The following TIMM23 variants were observed in gnomAD, a reference collection of about 807,000 sequenced individuals.
TIMM23 encodes the protein translocase of inner mitochondrial membrane 23.
A neutral mutation model predicts 30.7 loss-of-function variants in TIMM23; 19 were observed. The observed-to-expected ratio is 0.62, with a 90% CI of 0.43 to 0.91. The LOEUF is 0.91. Among genes scored for constraint, TIMM23 ranks in the 40% least tolerant of loss-of-function variants. The probability of loss-of-function intolerance (pLI) is 0.00; values close to 1 mark genes in which losing one functional copy is unlikely to be tolerated. For synonymous variants in TIMM23, 78 were observed against 98.5 expected (o/e 0.79, Z 1.23); for missense variants, 202 against 269.2 (o/e 0.75, Z 1.75).
intron 6 of TIMM23, among the ~76,000 whole-genome samples, chr10:45,994,207 C>T (rs1243419469): frequency 2.0e-5 from 3 of 151,908 alleles, no homozygotes; most frequent in African/African-American, 4.8e-5. Context: ...GGCATGATAG[C>T]GGGTGCCTGT....
intron 1 of TIMM23, among the ~76,000 whole-genome samples, chr10:45,975,017 G>A (rs1271136551): frequency 6.6e-6 from 1 of 151,976 alleles, no homozygotes; most frequent in Non-Finnish European, 1.5e-5. Flanking sequence ...CCTTGAAATA[G>A]TTAGATACAA....
At chr10:45,999,731 C>G (rs868979007) in intron 6 of TIMM23, among the ~76,000 whole-genome samples, 1 of 152,046 alleles carries the variant, frequency 6.6e-6, no homozygotes, top group Non-Finnish European at 1.5e-5. Flanking sequence ...TGAGAGCAAC[C>G]GGTCTGACCA....
chr10:45,984,024 G>A (rs74353815), intron 4 of TIMM23, among the ~76,000 whole-genome samples: 1 of 152,228 alleles, frequency 6.6e-6, no homozygotes, highest in African/African-American at 2.4e-5. Context: ...GATTACAGAT[G>A]TGAGCCACTG....
chr10:45,978,532 C>G lies in TIMM23; in HGVS notation c.165+3020C>G, dbSNP rs1590111972. ...TTTCTCTATGAAGATATACAGATGT[C>G]TAATAATGACATGAAAGCTGGTCAG... On this transcript the variant is annotated intron_variant, in intron 2 of 6. Transcript: ENST00000580018. Among the ~76,000 whole-genome samples, 2 of 152,024 alleles carry G rather than the reference C, an allele frequency of 1.3e-5. 1 individual carries two copies. Among genetic ancestry groups the G allele is most frequent in the East Asian group, 3.8e-4 (2 of 5,198 alleles).
At chr10:45,989,708 A>G (rs1838099326) in intron 6 of TIMM23, among the ~76,000 whole-genome samples, 1 of 152,214 alleles carries the variant, frequency 6.6e-6, no homozygotes, top group Non-Finnish European at 1.5e-5. Flanking sequence ...ACAAGGTCAA[A>G]GCCCAGGAAT....
chr10:45,985,612 A>G (rs1239293242), intron 5 of TIMM23, among the ~76,000 whole-genome samples, 171 bp downstream of exon 5: 1 of 152,232 alleles, frequency 6.6e-6, no homozygotes, highest in Admixed American at 6.5e-5. Flanking sequence ...CTAACTTATG[A>G]AATAATCTCA....
chr10:45,986,216 G>A (rs1177314091), intron 5 of TIMM23, among the ~76,000 whole-genome samples: 1 of 152,170 alleles, frequency 6.6e-6, no homozygotes, highest in Non-Finnish European at 1.5e-5. Flanking sequence ...TCTTCACACT[G>A]TAAAGCTAGT....
chr10:45,994,843 GGTGCTATACTTAGA>G (rs1455577533), intron 6 of TIMM23, among the ~76,000 whole-genome samples: 2 of 152,116 alleles, frequency 1.3e-5, no homozygotes, highest in African/African-American at 4.8e-5. Flanking sequence ...CTTCTTCAGT[GGTGCTATACTTAGA>G]GTGCCTAAGG....
chr10:45,981,214 C>T (rs1554913970), intron 2 of TIMM23, among the ~76,000 whole-genome samples: 1 of 140,580 alleles, frequency 7.1e-6, no homozygotes, highest in Non-Finnish European at 1.5e-5. Flanking sequence ...GCTGAGATTA[C>T]AGGCGGGAGG....
At chr10:45,978,809 A>G (rs1465497318) in intron 2 of TIMM23, among the ~76,000 whole-genome samples, 1 of 152,236 alleles carries the variant, frequency 6.6e-6, no homozygotes, top group Middle Eastern at 3.4e-3. Context: ...AGAGAATTGA[A>G]AACCTCTGTG....
intron 2 of TIMM23, among the ~76,000 whole-genome samples, chr10:45,980,160 T>G (rs1837800790): frequency 6.6e-6 from 1 of 151,204 alleles, no homozygotes; most frequent in African/African-American, 2.4e-5. Context: ...TAATAGAAAT[T>G]ACATTTTGTA....
In TIMM23 at chr10:45,982,215, A is replaced by G. The variant is rs1207183568; in HGVS notation, c.166-308A>G. On this transcript the variant is annotated intron_variant, in intron 2 of 6. Coordinates refer to ENST00000580018, the MANE Select transcript of TIMM23 (RefSeq NM_006327.4). ...ACTGATTGTCTGTTCTGTTCTTCTC[A>G]TAGCTTTCAGTGTTCCTTTCTCTAG... 3.2e-4 allele frequency among the ~76,000 whole-genome samples: 48 copies of G among 152,332 alleles called. No individual in the cohort carries two copies. The East Asian group carries it at 8.3e-3, about 26-fold the overall frequency.
intron 6 of TIMM23, among the ~76,000 whole-genome samples, chr10:45,996,762 G>T (rs1838345796): frequency 6.6e-6 from 1 of 152,008 alleles, no homozygotes; most frequent in African/African-American, 2.4e-5. Flanking sequence ...AATGTGGGCA[G>T]ATTGAGTCCA....
At chr10:45,986,803 A>AG (rs1838002082) in intron 5 of TIMM23, among the ~76,000 whole-genome samples, 1 of 100,620 alleles carries the variant, frequency 9.9e-6, no homozygotes, top group Non-Finnish European at 2.1e-5. Flanking sequence ...TACTAGAAAT[A>AG]CGTGTGTGTG....
At chr10:45,995,923 C>T (rs1298043796) in intron 6 of TIMM23, among the ~76,000 whole-genome samples, 3 of 148,472 alleles carry the variant, frequency 2.0e-5, no homozygotes, top group Admixed American at 6.7e-5. Context: ...CAAAATGCTA[C>T]GTGATATTTG....
chr10:45,999,900 A>G (rs1248652645), intron 6 of TIMM23, among the ~76,000 whole-genome samples: 2 of 152,260 alleles, frequency 1.3e-5, no homozygotes, highest in Non-Finnish European at 2.9e-5. Flanking sequence ...TCTCTTTCCC[A>G]GGGATGTTCC....
intron 6 of TIMM23, among the ~76,000 whole-genome samples, chr10:45,999,339 G>A (rs962584497): frequency 1.3e-5 from 2 of 151,982 alleles, no homozygotes; most frequent in African/African-American, 2.4e-5. Context: ...GATGGGTATC[G>A]GGGAACCTGC....
chr10:45,996,101 T>C (rs1388832523), intron 6 of TIMM23, among the ~76,000 whole-genome samples: 36 of 147,160 alleles, frequency 2.4e-4, no homozygotes, highest in African/African-American at 7.9e-4. Context: ...GTGGCTCACG[T>C]CTGTAATCCC....
chr10:45,991,841 T>C (rs1206671896), intron 6 of TIMM23, among the ~76,000 whole-genome samples: 2 of 152,350 alleles, frequency 1.3e-5, no homozygotes, highest in East Asian at 1.9e-4. Flanking sequence ...TGTTTTGTTA[T>C]ATTGTGGAAG....
Sources: gnomAD v4.1 joint callset for allele counts (sites outside exome capture counted in the v4.1 genomes callset) on GRCh38, gnomAD v4.1.1 for gene constraint, MANE v1.5 for transcripts, NCBI Gene and HGNC (gene_info 2026-07-23, HGNC 2026-07-21) for gene names.